Variants in STARD6 observed in about 807,000 individuals in gnomAD.
The protein encoded by STARD6 is stAR-related lipid transfer protein 6.
In STARD6, 21 loss-of-function variants were observed where a neutral mutation model predicts 22.3. The observed-to-expected ratio is 0.94, with a 90% CI of 0.67 to 1.35. STARD6 has a LOEUF of 1.35. STARD6 is among the 40% of genes most tolerant of loss of function. STARD6 has a pLI of 0.00. For missense variants in STARD6, 269 were observed against 266.9 expected (o/e 1.01, Z -0.05); for synonymous variants, 80 against 88.1 (o/e 0.91, Z 0.52).
At chr18:54,339,044 CAAAAAAAAAAAAAAAA>C (rs760501311) in intron 4 of STARD6, among the ~76,000 whole-genome samples, 11 of 10,404 alleles carry the variant, frequency 1.1e-3, no homozygotes, top group Admixed American at 2.7e-3. Context: ...GAGACTCCAT[CAAAAAAAAAAAAAAAA>C]AAAAAAAAAA....
intron 4 of STARD6, among the ~76,000 whole-genome samples, chr18:54,352,214 A>G (rs981129035): frequency 1.3e-5 from 2 of 150,366 alleles, no homozygotes; most frequent in African/African-American, 4.9e-5. Flanking sequence ...TCTCCTCTAG[A>G]TTTTCTAGCT....
intron 5 of STARD6, among the ~76,000 whole-genome samples, 189 bp downstream of exon 5, chr18:54,336,936 A>T (rs1359699655): frequency 6.6e-6 from 1 of 152,230 alleles, no homozygotes; most frequent in Non-Finnish European, 1.5e-5. Context: ...ATGCATTTAC[A>T]AGTAGCATAA....
intron 1 of STARD6, chr18:54,356,921 G>A (rs775094713): frequency 6.6e-6 from 1 of 152,186 alleles, no homozygotes; most frequent in Non-Finnish European, 1.5e-5. Flanking sequence ...CAATAGACCT[G>A]TGTTTAACCA....
At chr18:54,329,622 T>C (rs890249254) in intron 6 of STARD6, among the ~76,000 whole-genome samples, 182 bp from the exon 7 acceptor site, 1 of 152,058 alleles carries the variant, frequency 6.6e-6, no homozygotes, top group East Asian at 1.9e-4. Context: ...GTATCAACAC[T>C]ATTGTCCTCT....
chr18:54,329,270 G>A (rs1295484609), intron 7 of STARD6, 77 bp downstream of exon 7: 3 of 1,174,890 alleles, frequency 2.6e-6, no homozygotes, highest in Non-Finnish European at 3.6e-6. Context: ...TTCTACTGAT[G>A]AGCCAGCAAT....
intron 3 of STARD6, 133 bp downstream of exon 3, chr18:54,354,351 C>A: frequency 1.3e-6 from 1 of 766,338 alleles, no homozygotes; most frequent in Non-Finnish European, 2.1e-6. Flanking sequence ...GTGTTAGCCT[C>A]CTGAGTAGCT....
At chr18:54,345,508 A>T (rs895603367) in intron 4 of STARD6, among the ~76,000 whole-genome samples, 1 of 152,214 alleles carries the variant, frequency 6.6e-6, no homozygotes, top group Non-Finnish European at 1.5e-5. Flanking sequence ...TGAACTACAG[A>T]ATCAAAGCAT....
At chr18:54,354,418 C>G (rs577088587) in intron 3 of STARD6, 66 bp downstream of exon 3, 1 of 1,394,658 alleles carries the variant, frequency 7.2e-7, no homozygotes, top group African/African-American at 1.4e-5. Flanking sequence ...TTAAAAAAGT[C>G]TTTACAATGA....
At chr18:54,338,673 T>C (rs142815815) in intron 4 of STARD6, among the ~76,000 whole-genome samples, 14 of 151,584 alleles carry the variant, frequency 9.2e-5, no homozygotes, top group Non-Finnish European at 1.8e-4. Context: ...ACATGAAAAG[T>C]ATGATTTATA....
chr18:54,352,567 C>T (rs1234388868), intron 4 of STARD6, among the ~76,000 whole-genome samples: 1 of 152,092 alleles, frequency 6.6e-6, no homozygotes, highest in African/African-American at 2.4e-5. Context: ...GATTCCTAAT[C>T]CAGAGAAGCC....
chr18:54,352,143 G>C (rs1171504004), intron 4 of STARD6, among the ~76,000 whole-genome samples: 1 of 147,124 alleles, frequency 6.8e-6, no homozygotes, highest in African/African-American at 2.5e-5. Context: ...TTTTTTTTCA[G>C]ATTTTCTATT....
intron 4 of STARD6, among the ~76,000 whole-genome samples, chr18:54,351,898 CGTTTT>C (rs2089099955): frequency 3.2e-5 from 2 of 61,548 alleles, no homozygotes; most frequent in Admixed American, 1.7e-4. Context: ...GATATTGGTC[CGTTTT>C]TTTTTTTTTT....
intron 4 of STARD6, among the ~76,000 whole-genome samples, chr18:54,339,603 CA>C (rs1387401543): frequency 1.3e-5 from 2 of 151,636 alleles, no homozygotes; most frequent in Non-Finnish European, 2.9e-5. Context: ...AAAAAGCTAC[CA>C]AAAAAGAATT....
At chr18:54,353,700 G>A (rs2089118049) in intron 4 of STARD6, among the ~76,000 whole-genome samples, 1 of 152,176 alleles carries the variant, frequency 6.6e-6, no homozygotes, top group Non-Finnish European at 1.5e-5. Flanking sequence ...TTACTTGTTA[G>A]TGGTTCATTT....
At chr18:54,344,681 T>G (rs56179537) in intron 4 of STARD6, among the ~76,000 whole-genome samples, 54,123 of 150,848 alleles carry the variant, frequency 0.36, 11,231 homozygotes, top group East Asian at 0.68. Context: ...AATCTAGCAA[T>G]GTATAAAAAG....
At chr18:54,328,138 T>A (rs1247050952) in intron 7 of STARD6, among the ~76,000 whole-genome samples, 1 of 152,126 alleles carries the variant, frequency 6.6e-6, no homozygotes, top group Non-Finnish European at 1.5e-5. Flanking sequence ...ATCCATGGGT[T>A]TAGGCATTTA....
intron 4 of STARD6, among the ~76,000 whole-genome samples, chr18:54,353,079 G>C (rs1442483004): frequency 6.6e-6 from 1 of 152,110 alleles, no homozygotes; most frequent in Non-Finnish European, 1.5e-5. Context: ...TATCAGCTTT[G>C]TCCAATGGTA....
chr18:54,333,936 T>C (rs1368073820), intron 5 of STARD6, among the ~76,000 whole-genome samples: 1 of 151,990 alleles, frequency 6.6e-6, no homozygotes, highest in African/African-American at 2.4e-5. Flanking sequence ...AAATTAGTTT[T>C]ATTCCATCAT....
intron 7 of STARD6, among the ~76,000 whole-genome samples, chr18:54,327,606 T>C (rs2088834646): frequency 6.6e-6 from 1 of 152,186 alleles, no homozygotes; most frequent in Non-Finnish European, 1.5e-5. Context: ...TTTTAAAAAA[T>C]GTCAATGTTT....
Sources: allele counts gnomAD v4.1 joint callset (sites outside exome capture counted in the v4.1 genomes callset), GRCh38; gene constraint gnomAD v4.1.1; transcripts MANE v1.5; gene names NCBI Gene and HGNC (gene_info 2026-07-23, HGNC 2026-07-21).